SNX11: variants seen among roughly 807,000 people sequenced by gnomAD.
SNX11 encodes sorting nexin-11.
Under a neutral mutation model 30.7 loss-of-function variants are expected in SNX11, and 19 were observed. That is an observed-to-expected ratio of 0.62 (90% CI 0.43 to 0.91). The LOEUF is 0.91. Ranked by LOEUF, SNX11 falls within the 40% of genes least tolerant of loss-of-function variation. SNX11 has a pLI of 0.00. For missense variants in SNX11, 302 were observed against 326.7 expected (o/e 0.92, Z 0.58); for synonymous variants, 112 against 119.0 (o/e 0.94, Z 0.38).
In SNX11 at chr17:48,121,870, T is replaced by C. The variant is rs1165977738; in HGVS notation, c.*362T>C. On this transcript the variant is annotated 3_prime_UTR_variant, in exon 7 of 7. Coordinates refer to ENST00000359238, the MANE Select transcript of SNX11 (RefSeq NM_013323.3). ...ATGTGGCAAATTCTAAGCTGCCATA[T>C]TGAACATCATCCCACTGGGAGTGGT... The C allele has an allele frequency of 1.4e-5, 3 of 211,486 alleles. No homozygotes were observed. The highest frequency in any genetic ancestry group is 9.6e-6 in the Non-Finnish European group (1 of 104,492). 13.1% of individuals were successfully genotyped at this position (211,486 alleles called of 1,614,324 possible).
At chr17:48,117,298 A>G (rs2063555941) in intron 4 of SNX11, among the ~76,000 whole-genome samples, 2 of 148,494 alleles carry the variant, frequency 1.3e-5, no homozygotes, top group Non-Finnish European at 3.0e-5. Flanking sequence ...CTTGTTGCCC[A>G]GGCTGGAGTG....
At position 48,121,587 on chromosome 17, in the gene SNX11, G is replaced by T; in HGVS notation, c.*79G>T. The T allele has an allele frequency of 6.7e-7, 1 of 1,492,100 alleles. No individual in the cohort carries two copies. Among genetic ancestry groups the T allele is most frequent in the East Asian group, 2.3e-5 (1 of 44,222 alleles). The allele number at this position is 1,492,100 out of a possible 1,614,324, so 92.4% of individuals were successfully genotyped here. On this transcript the variant is annotated 3_prime_UTR_variant, in exon 7 of 7. Transcript: ENST00000359238. ...TCAGGTGGGACTGGGCACAGGGCAG[G>T]TATGTGGGAGGCTGGGCTGCTTAGT...
In SNX11 at chr17:48,121,667, C is replaced by T. The variant is rs1281420734; in HGVS notation, c.*159C>T. ...TGACAGAGGTCAGTCATTACAGCCC[C>T]TTATGCCTCTTCCATGGGAACAAAT... On this transcript the variant is annotated 3_prime_UTR_variant, in exon 7 of 7. Coordinates refer to ENST00000359238, the MANE Select transcript of SNX11 (RefSeq NM_013323.3). The T allele has an allele frequency of 7.4e-6, 5 of 672,944 alleles. No homozygotes were observed. Among genetic ancestry groups the T allele is most frequent in the Non-Finnish European group, 1.0e-5 (4 of 394,364 alleles). 41.7% of individuals were successfully genotyped at this position (672,944 alleles called of 1,614,324 possible).
chr17:48,118,395 T>C lies in SNX11; in HGVS notation c.231-309T>C, dbSNP rs544108013. Among the ~76,000 whole-genome samples, 8 of 152,114 alleles carry C rather than the reference T, an allele frequency of 5.3e-5. No individual in the cohort carries two copies. The East Asian group carries it at 1.6e-3, about 29-fold the overall frequency. ...CAGATCAAGACCATCCTGGCTAACA[T>C]GGTGAAACCCCGTCTCTATTAAAAA... On this transcript the variant is annotated intron_variant, in intron 4 of 6. Coordinates refer to ENST00000359238, the MANE Select transcript of SNX11 (RefSeq NM_013323.3).
At chr17:48,111,088 T>C in intron 1 of SNX11, 1 of 985,350 alleles carries the variant, frequency 1.0e-6, no homozygotes, top group Non-Finnish European at 1.2e-6. Context: ...GTGGGGTGCT[T>C]GGACAGAAGT....
At chr17:48,112,717 T>C (rs566000781) in intron 3 of SNX11, 57 bp downstream of exon 3, 1 of 1,103,294 alleles carries the variant, frequency 9.1e-7, no homozygotes, top group African/African-American at 1.6e-5. Context: ...GAGGGGCTTG[T>C]ACTGAGGTGT....
Position 48,112,026 on chromosome 17 carries a change from A to T in SNX11, c.-13-5A>T, listed in dbSNP as rs927847113. On this transcript the variant is annotated splice_region_variant and splice_polypyrimidine_tract_variant and intron_variant, in intron 1 of 6. Coordinates refer to ENST00000359238, the MANE Select transcript of SNX11 (RefSeq NM_013323.3). Reference sequence around the variant, plus strand: ...CTTGATCCTGTATCCTCTGTCCCTCATCAGATGTTTCCTTCCAATGGGCTT... The same window carrying T: ...CTTGATCCTGTATCCTCTGTCCCTCTTCAGATGTTTCCTTCCAATGGGCTT... 6.2e-7 allele frequency: 1 copy of T among 1,610,174 alleles called. No individual in the cohort carries two copies. Among genetic ancestry groups the T allele is most frequent in the Admixed American group, 1.7e-5 (1 of 59,990 alleles).
chr17:48,114,967 TG>T (rs539296281), intron 4 of SNX11, among the ~76,000 whole-genome samples: 6 of 150,838 alleles, frequency 4.0e-5, no homozygotes, highest in East Asian at 2.0e-4. Flanking sequence ...GCGCCCAGCC[TG>T]GGCAGGCTGG....
rs1267972653 is a variant in SNX11 at position 48,115,038 on chromosome 17, G to A, written c.230+1637G>A. Among the ~76,000 whole-genome samples, 3 of 150,082 alleles carry A rather than the reference G, an allele frequency of 2.0e-5. No individual in the cohort carries two copies. In the South Asian group the frequency reaches 6.3e-4, roughly 32 times the overall value. Reference sequence around the variant, plus strand: ...CTTCCAAAGTGCTGGGATTACAGACGTGAGCCACCATGCTCCGCCTTTTTT... The same window carrying A: ...CTTCCAAAGTGCTGGGATTACAGACATGAGCCACCATGCTCCGCCTTTTTT... On this transcript the variant is annotated intron_variant, in intron 4 of 6. Coordinates refer to ENST00000359238, the MANE Select transcript of SNX11 (RefSeq NM_013323.3).
At chr17:48,119,926 C>T (rs979846558) in intron 6 of SNX11, among the ~76,000 whole-genome samples, 3 of 152,020 alleles carry the variant, frequency 2.0e-5, no homozygotes, top group Admixed American at 6.6e-5. Flanking sequence ...GTCCTTCCCT[C>T]CCCCCCAGCT....
At chr17:48,112,202 C>T (rs2063499281) in intron 2 of SNX11, 117 bp downstream of exon 2, 1 of 937,308 alleles carries the variant, frequency 1.1e-6, no homozygotes, top group African/African-American at 1.6e-5. Context: ...TTTGGTGGTT[C>T]TGATGAGCTC....
chr17:48,111,864 C>T, intron 1 of SNX11, 167 bp from the exon 2 acceptor site: 1 of 602,196 alleles, frequency 1.7e-6, no homozygotes, highest in Non-Finnish European at 2.9e-6. Flanking sequence ...TGGCATTGAG[C>T]TAATGGGGAT....
intron 1 of SNX11, among the ~76,000 whole-genome samples, chr17:48,109,021 C>T (rs1424153310): frequency 6.6e-6 from 1 of 152,198 alleles, no homozygotes; most frequent in African/African-American, 2.4e-5. Flanking sequence ...CAGACTCCGC[C>T]TCCTGGGTTC....
chr17:48,112,693 C>T (rs374313217), intron 3 of SNX11, 33 bp downstream of exon 3: 18 of 1,410,446 alleles, frequency 1.3e-5, no homozygotes, highest in Admixed American at 6.9e-5. Context: ...TTGGGGTCAG[C>T]GCTCTGCAGG....
chr17:48,113,433 G>C (rs1253432932), intron 4 of SNX11, 32 bp downstream of exon 4: 1 of 1,539,754 alleles, frequency 6.5e-7, no homozygotes, highest in Admixed American at 1.7e-5. Flanking sequence ...TCTTGGGTCT[G>C]TGACTGGCTT....
At position 48,121,581 on chromosome 17, in the gene SNX11, G is replaced by A. The variant is rs2063603512; in HGVS notation, c.*73G>A. 1.3e-6 allele frequency: 2 copies of A among 1,524,120 alleles called. No individual in the cohort carries two copies. Among genetic ancestry groups the A allele is most frequent in the Non-Finnish European group, 1.8e-6 (2 of 1,118,792 alleles). 94.4% of individuals were successfully genotyped at this position (1,524,120 alleles called of 1,614,324 possible). ...ACTTACTCAGGTGGGACTGGGCACA[G>A]GGCAGGTATGTGGGAGGCTGGGCTG... is the stretch of plus-strand genomic sequence containing the variant. On this transcript the variant is annotated 3_prime_UTR_variant, in exon 7 of 7. Coordinates refer to ENST00000359238, the MANE Select transcript of SNX11 (RefSeq NM_013323.3).
Position 48,121,583 on chromosome 17 carries a change from G to GGA in SNX11, c.*75_*76insGA. The GGA allele has an allele frequency of 6.6e-7, 1 of 1,516,070 alleles. No individual in the cohort carries two copies. Among genetic ancestry groups the GGA allele is most frequent in the Non-Finnish European group, 9.0e-7 (1 of 1,111,984 alleles). 93.9% of individuals were successfully genotyped at this position (1,516,070 alleles called of 1,614,324 possible). A position where few individuals can be genotyped will look rare whatever the true frequency, so the allele number is the denominator to read the frequency against. ...TTACTCAGGTGGGACTGGGCACAGG[G>GGA]CAGGTATGTGGGAGGCTGGGCTGCT... On this transcript the variant is annotated 3_prime_UTR_variant, in exon 7 of 7. Transcript: ENST00000359238.
rs1378214200 is a variant in SNX11 at position 48,121,919 on chromosome 17, G to A, written c.*411G>A. The A allele has an allele frequency of 6.0e-6, 1 of 167,474 alleles. No individual in the cohort carries two copies. The highest frequency in any genetic ancestry group is 2.4e-5 in the African/African-American group (1 of 41,730). The allele number at this position is 167,474 out of a possible 1,614,324, so 10.4% of individuals were successfully genotyped here. A position where few individuals can be genotyped will look rare whatever the true frequency, so the allele number is the denominator to read the frequency against. On this transcript the variant is annotated 3_prime_UTR_variant, in exon 7 of 7. Transcript: ENST00000359238. Reference sequence around the variant, plus strand: ...GTTATGTTGTATCCCCATCTTGGCTGGCTTCAGTTTTTGCTGTAGCCCTAG... The same window carrying A: ...GTTATGTTGTATCCCCATCTTGGCTAGCTTCAGTTTTTGCTGTAGCCCTAG...
chr17:48,109,663 C>T (rs74939180), intron 1 of SNX11, among the ~76,000 whole-genome samples: 18,434 of 151,592 alleles, frequency 0.12, 1,591 homozygotes, highest in East Asian at 0.42. Context: ...CTGCAACCTC[C>T]GCCTCCCGGG....
Sources: allele counts gnomAD v4.1 joint callset (sites outside exome capture counted in the v4.1 genomes callset), GRCh38; gene constraint gnomAD v4.1.1; transcripts MANE v1.5; gene names NCBI Gene and HGNC (gene_info 2026-07-23, HGNC 2026-07-21).